Variants in SHLD1 observed in about 807,000 individuals in gnomAD.
SHLD1 encodes RINN1-REV7-interacting novel NHEJ regulator 3.
Under a neutral mutation model 5.5 loss-of-function variants are expected in SHLD1, and 3 were observed. The observed-to-expected ratio is 0.54, with a 90% CI of 0.25 to 1.40. The LOEUF (loss-of-function observed/expected upper bound fraction) is 1.40. Among genes scored for constraint, SHLD1 ranks in the 40% most tolerant of loss-of-function variants. SHLD1 has a pLI of 0.15. For synonymous variants in SHLD1, 92 were observed against 94.3 expected (o/e 0.98, Z 0.14); for missense variants, 210 against 244.4 (o/e 0.86, Z 0.94).
chr20:5,763,858 C>T lies in SHLD1; in HGVS notation c.-4-9004C>T, dbSNP rs113589468. On this transcript the variant is annotated intron_variant, in intron 1 of 2. Coordinates refer to ENST00000303142, the MANE Select transcript of SHLD1 (RefSeq NM_152504.4). ...GCGCAATGGCTCACGCCTGTAATCC[C>T]AGCACTTTGAGAGGCTGAGGTGGGT... Among the ~76,000 whole-genome samples the T allele has an allele frequency of 7.1e-3, 1,070 of 149,916 alleles. 11 individuals are homozygous for T. The highest frequency in any genetic ancestry group is 0.025 in the African/African-American group (1,001 of 40,694).
At chr20:5,808,490 A>G (rs185716502) in intron 2 of SHLD1, among the ~76,000 whole-genome samples, 2 of 152,300 alleles carry the variant, frequency 1.3e-5, no homozygotes, top group Non-Finnish European at 2.9e-5. Flanking sequence ...ATTATCTTGC[A>G]TCTTGCCCTT....
intron 1 of SHLD1, among the ~76,000 whole-genome samples, chr20:5,757,906 A>G (rs1984211656): frequency 6.6e-6 from 1 of 152,162 alleles, no homozygotes; most frequent in South Asian, 2.1e-4. Context: ...CCCAGTCCAC[A>G]TCAATTATTT....
At chr20:5,758,425 A>AT (rs990230216) in intron 1 of SHLD1, among the ~76,000 whole-genome samples, 33 of 90,092 alleles carry the variant, frequency 3.7e-4, no homozygotes, top group Admixed American at 1.7e-3. Context: ...TTTTTTTTAT[A>AT]TTTTTTTTTT....
intron 2 of SHLD1, among the ~76,000 whole-genome samples, chr20:5,779,771 G>C (rs933345164): frequency 9.9e-5 from 15 of 152,100 alleles, no homozygotes; most frequent in African/African-American, 3.6e-4. Flanking sequence ...GGCACACACT[G>C]TTGGCTACCT....
At chr20:5,824,532 A>G (rs2087643859) in intron 2 of SHLD1, among the ~76,000 whole-genome samples, 1 of 152,162 alleles carries the variant, frequency 6.6e-6, no homozygotes, top group Non-Finnish European at 1.5e-5. Flanking sequence ...CCTGGCATAC[A>G]GTAGCTGCTC....
At chr20:5,804,836 C>T (rs1151948) in intron 2 of SHLD1, among the ~76,000 whole-genome samples, 24,126 of 152,176 alleles carry the variant, frequency 0.16, 2,179 homozygotes, top group Non-Finnish European at 0.21. Context: ...CAAGAGATTC[C>T]ACATATTCAA....
At chr20:5,840,524 C>G (rs772235158) in intron 2 of SHLD1, among the ~76,000 whole-genome samples, 1 of 152,120 alleles carries the variant, frequency 6.6e-6, no homozygotes, top group African/African-American at 2.4e-5. Context: ...TGGAACTAGT[C>G]GCTGTAGTGA....
intron 2 of SHLD1, among the ~76,000 whole-genome samples, chr20:5,791,496 C>T (rs770755735): frequency 7.2e-6 from 1 of 138,042 alleles, no homozygotes; most frequent in East Asian, 2.2e-4. Flanking sequence ...TCCTGGAGGT[C>T]GAGGCTGCAG....
intron 2 of SHLD1, among the ~76,000 whole-genome samples, chr20:5,816,967 GC>G (rs1415290344): frequency 1.3e-5 from 2 of 152,162 alleles, no homozygotes; most frequent in Non-Finnish European, 2.9e-5. Flanking sequence ...TATCTTGGGG[GC>G]TGAGGCAAGA....
rs752647466 is a variant in SHLD1 at position 5,849,965 on chromosome 20, C to CAAA, written c.179-13037_179-13035dup. Reference sequence around the variant, plus strand: ...TGGGCGACAGAGCGAGACTCCGTCTCAAAAAAAAAAAAAAAAAAAAAAAAT... The same window carrying CAAA: ...TGGGCGACAGAGCGAGACTCCGTCTCAAAAAAAAAAAAAAAAAAAAAAAAAAAT... On this transcript the variant is annotated intron_variant, in intron 2 of 2. Transcript: ENST00000303142. Among the ~76,000 whole-genome samples the CAAA allele has an allele frequency of 6.0e-3, 299 of 50,198 alleles. 17 individuals are homozygous for CAAA. Among genetic ancestry groups the CAAA allele is most frequent in the African/African-American group, 0.02 (278 of 13,792 alleles). The allele number at this position is 50,198 out of a possible 152,430, so 32.9% of individuals were successfully genotyped here. A position where few individuals can be genotyped will look rare whatever the true frequency, so the allele number is the denominator to read the frequency against.
chr20:5,784,666 G>C (rs1460701582), intron 2 of SHLD1, among the ~76,000 whole-genome samples: 2 of 152,030 alleles, frequency 1.3e-5, no homozygotes, highest in East Asian at 1.9e-4. Context: ...TAGCCAGGTT[G>C]GTCTCGATCG....
At chr20:5,798,669 G>A (rs1217440829) in intron 2 of SHLD1, among the ~76,000 whole-genome samples, 1 of 149,226 alleles carries the variant, frequency 6.7e-6, no homozygotes, top group Non-Finnish European at 1.5e-5. Flanking sequence ...CCAGGCTGGA[G>A]TGCAGTGGCG....
Position 5,765,871 on chromosome 20 carries a change from G to A in SHLD1, c.-4-6991G>A, listed in dbSNP as rs62203874. ...TGACCTCACGTGATCCACCCATCTC[G>A]GGGTCCCAAAGTGCTGGGATTACAG... On this transcript the variant is annotated intron_variant, in intron 1 of 2. Transcript: ENST00000303142. Among the ~76,000 whole-genome samples the A allele has an allele frequency of 4.9e-5, 7 of 141,540 alleles. No homozygotes were observed. In the South Asian group the frequency reaches 1.4e-3, roughly 28 times the overall value. 92.9% of individuals were successfully genotyped at this position (141,540 alleles called of 152,430 possible).
intron 2 of SHLD1, among the ~76,000 whole-genome samples, chr20:5,844,785 A>AT (rs1451016272): frequency 7.8e-5 from 8 of 102,406 alleles, no homozygotes; most frequent in East Asian, 7.4e-4. Context: ...ATATATATAT[A>AT]TATATATATA....
intron 2 of SHLD1, among the ~76,000 whole-genome samples, chr20:5,824,130 C>T (rs773969122): frequency 6.6e-6 from 1 of 152,244 alleles, no homozygotes; most frequent in African/African-American, 2.4e-5. Flanking sequence ...CTGGCTGTGA[C>T]TGCTTCTCCC....
At chr20:5,807,672 C>G (rs1452925050) in intron 2 of SHLD1, among the ~76,000 whole-genome samples, 1 of 152,154 alleles carries the variant, frequency 6.6e-6, no homozygotes, top group East Asian at 1.9e-4. Context: ...CCCAGTTTGG[C>G]AAAACATTAA....
intron 1 of SHLD1, among the ~76,000 whole-genome samples, chr20:5,755,101 G>A (rs1218222151): frequency 6.6e-6 from 1 of 152,010 alleles, no homozygotes; most frequent in Non-Finnish European, 1.5e-5. Flanking sequence ...AGTTAAGGGG[G>A]TTTGTGGGAG....
chr20:5,782,849 A>G (rs1568500188), intron 2 of SHLD1, among the ~76,000 whole-genome samples: 1 of 152,240 alleles, frequency 6.6e-6, no homozygotes, highest in Admixed American at 6.5e-5. Context: ...ATAAGCTCTT[A>G]GATAAAAAAA....
intron 2 of SHLD1, among the ~76,000 whole-genome samples, chr20:5,839,676 G>A (rs1354889062): frequency 6.6e-6 from 1 of 152,208 alleles, no homozygotes; most frequent in Non-Finnish European, 1.5e-5. Flanking sequence ...TTCCAAAGCA[G>A]AGGCTAAATA....
Sources: allele counts gnomAD v4.1 joint callset (sites outside exome capture counted in the v4.1 genomes callset), GRCh38; gene constraint gnomAD v4.1.1; transcripts MANE v1.5; gene names NCBI Gene and HGNC (gene_info 2026-07-23, HGNC 2026-07-21).